Variants in MFN2 observed in about 807,000 individuals in gnomAD.
The protein encoded by MFN2 is mitofusin-2.
Under a neutral mutation model 87.5 loss-of-function variants are expected in MFN2, and 43 were observed. That is an observed-to-expected ratio of 0.49 (90% CI 0.38 to 0.63). The LOEUF is 0.63. MFN2 is among the 30% of genes least tolerant of loss of function. The pLI, the probability that MFN2 is intolerant of heterozygous loss-of-function variation, is 0.00. For missense variants in MFN2, 743 were observed against 972.8 expected (o/e 0.76, Z 3.14); for synonymous variants, 337 against 359.9 (o/e 0.94, Z 0.72).
At chr1:11,982,924 T>C (rs985560534) in intron 2 of MFN2, among the ~76,000 whole-genome samples, 6 of 152,244 alleles carry the variant, frequency 3.9e-5, no homozygotes, top group Non-Finnish European at 8.8e-5. Flanking sequence ...TCATTGATTA[T>C]ATTTGTGAAA....
chr1:11,989,083 C>A (rs182423547), intron 2 of MFN2, 82 bp from the exon 3 acceptor site: 1 of 1,471,908 alleles, frequency 6.8e-7, no homozygotes, highest in African/African-American at 1.4e-5. Context: ...TCTTGATTCT[C>A]CCCAAAGCAT....
chr1:11,996,536 C>T (rs1272850627), intron 5 of MFN2, among the ~76,000 whole-genome samples: 1 of 152,190 alleles, frequency 6.6e-6, no homozygotes, highest in Non-Finnish European at 1.5e-5. Context: ...GAGGACCCTG[C>T]TGTTCCTCAT....
chr1:12,004,043 T>G lies in MFN2; in HGVS notation c.1212T>G (p.Ile404Met). Reference protein sequence around the residue: ...REERQDRLKFIDKQLELLAQD... With the variant: ...REERQDRLKFMDKQLELLAQD... ...AGCGGCAAGACCGACTGAAATTTAT[T>G]GACAAACAGCTGGAGCTCTTGGCTC... The change falls in exon 12 of 19, where the codon ATT (isoleucine) becomes ATG (methionine). Residue 404 changes from isoleucine (I) to methionine (M), a missense_variant. Physicochemically the swap from Ile to Met is conservative, Grantham distance 10 (BLOSUM62 1). Transcript: ENST00000235329. This position sits in a 1 kb window ranked among gnomAD's most constrained non-coding sequence, Gnocchi z 4.2. 1 of 1,614,180 alleles carries G rather than the reference T, an allele frequency of 6.2e-7. No homozygotes were observed. The highest frequency in any genetic ancestry group is 2.2e-5 in the East Asian group (1 of 44,874).
intron 2 of MFN2, among the ~76,000 whole-genome samples, chr1:11,984,400 T>C (rs1167993856): frequency 6.6e-6 from 1 of 152,232 alleles, no homozygotes; most frequent in African/African-American, 2.4e-5. Flanking sequence ...GTAGAGTTTG[T>C]TGTTATTGTT....
rs929596774 is a variant in MFN2, at chr1:12,007,338, T to G, written c.2069+89T>G. The stretch of plus-strand genomic sequence containing the variant: ...TCCCCATCTCTCTTCCCACGTGGCC[T>G]GGAAGCCACTGGGTCCTAAGCATCG... On this transcript the variant is annotated intron_variant, in intron 17 of 18. Transcript: ENST00000235329. The G allele has an allele frequency of 4.8e-6, 7 of 1,462,824 alleles. No individual in the cohort carries two copies. In the African/African-American group the frequency reaches 8.4e-5, roughly 18 times the overall value. 90.6% of individuals were successfully genotyped at this position (1,462,824 alleles called of 1,614,324 possible). A position where few individuals can be genotyped will look rare whatever the true frequency, so the allele number is the denominator to read the frequency against.
At chr1:12,010,926 G>A (rs1639665961) in intron 18 of MFN2, among the ~76,000 whole-genome samples, 2 of 152,170 alleles carry the variant, frequency 1.3e-5, no homozygotes, top group Admixed American at 1.3e-4. Flanking sequence ...TGACGTCAGA[G>A]TCTGCAGGGT....
chr1:11,989,653 T>C (rs1638587944), intron 3 of MFN2, among the ~76,000 whole-genome samples: 1 of 152,168 alleles, frequency 6.6e-6, no homozygotes, highest in Admixed American at 6.5e-5. Context: ...TCCGATACCT[T>C]GTAAGTAATA....
rs1412879780 is a variant in MFN2, at chr1:12,004,103, G to A, written c.1272G>A (p.Glu424=). 6.2e-7 allele frequency: 1 copy of A among 1,614,164 alleles called. No homozygotes were observed. Among genetic ancestry groups the A allele is most frequent in the East Asian group, 2.2e-5 (1 of 44,886 alleles). Residue 424 remains glutamate (E), a synonymous_variant, in exon 12 of 19, where the codon GAG becomes GAA. Coordinates refer to ENST00000235329, the MANE Select transcript of MFN2 (RefSeq NM_014874.4). The surrounding 1 kb of genome is among the most constrained non-coding windows in gnomAD (Gnocchi z 4.2). ...AGCTGCGAATTAAGCAGATTACGGA[G>A]GAAGTGGAGAGGCAGGTGAGAAATG... ...DYKLRIKQIT[E]EVERQVSTAM...
rs555006809 is a variant in MFN2 at position 12,004,025 on chromosome 1, A to G, written c.1194A>G (p.Gln398=). Residue 398 remains glutamine, a synonymous_variant, in exon 12 of 19, where the codon CAA becomes CAG. Transcript: ENST00000235329. This position sits in a 1 kb window ranked among gnomAD's most constrained non-coding sequence, Gnocchi z 4.2. ...GCGAGGAAATGCGTGAAGAGCGGCA[A>G]GACCGACTGAAATTTATTGACAAAC... ...VYCEEMREER[Q]DRLKFIDKQL... is the part of the protein sequence containing the mutation. 2.8e-5 allele frequency: 46 copies of G among 1,614,246 alleles called. No homozygotes were observed. In the South Asian group the frequency reaches 4.6e-4, roughly 16 times the overall value.
chr1:12,004,127 T>C lies in MFN2; in HGVS notation c.1287+9T>C. 6.2e-7 allele frequency: 1 copy of C among 1,613,806 alleles called. No homozygotes were observed. Among genetic ancestry groups the C allele is most frequent in the Non-Finnish European group, 8.5e-7 (1 of 1,180,030 alleles). The stretch of plus-strand genomic sequence containing the variant: ...AGGAAGTGGAGAGGCAGGTGAGAAA[T>C]GAGGAGGAGGCATTCTGGGAAGATT... On this transcript the variant is annotated intron_variant, in intron 12 of 18. Transcript: ENST00000235329. This position sits in a 1 kb window ranked among gnomAD's most constrained non-coding sequence, Gnocchi z 4.2.
In MFN2 at chr1:11,981,957, C is replaced by G. The variant is rs1011811295; in HGVS notation, c.-149-13C>G. On this transcript the variant is annotated splice_polypyrimidine_tract_variant and intron_variant, in intron 1 of 18. Coordinates refer to ENST00000235329, the MANE Select transcript of MFN2 (RefSeq NM_014874.4). ...TGGACACCGGATCCATCTCCCTTTT[C>G]TTTTCTAATAAGTCAGGACTGGTGG... The G allele has an allele frequency of 7.5e-6, 1 of 132,646 alleles. No homozygotes were observed. Among genetic ancestry groups the G allele is most frequent in the African/African-American group, 3.0e-5 (1 of 32,998 alleles). 8.2% of individuals were successfully genotyped at this position (132,646 alleles called of 1,614,324 possible).
At chr1:12,010,802 G>A (rs750902734) in intron 18 of MFN2, among the ~76,000 whole-genome samples, 1 of 152,012 alleles carries the variant, frequency 6.6e-6, no homozygotes, top group Non-Finnish European at 1.5e-5. Context: ...AAAAGTCCTC[G>A]GCCTGCCCAG....
chr1:11,999,172 C>T, intron 8 of MFN2, 77 bp downstream of exon 8: 1 of 1,158,600 alleles, frequency 8.6e-7, no homozygotes, highest in East Asian at 2.3e-5. Context: ...ACTTCCTGCA[C>T]CCCTGGATCT....
At chr1:11,993,474 A>T (rs1009107633) in intron 4 of MFN2, among the ~76,000 whole-genome samples, 2 of 152,134 alleles carry the variant, frequency 1.3e-5, no homozygotes, top group Non-Finnish European at 2.9e-5. Context: ...GGTGGCTCAC[A>T]CCTGTAATCC....
intron 4 of MFN2, among the ~76,000 whole-genome samples, chr1:11,995,655 A>G (rs2100821026): frequency 2.0e-5 from 3 of 151,902 alleles, no homozygotes; most frequent in Middle Eastern, 3.4e-3. Context: ...AAAAAAAAAG[A>G]ATGAGAAAGT....
At chr1:11,988,573 G>C (rs777207377) in intron 2 of MFN2, among the ~76,000 whole-genome samples, 4 of 152,006 alleles carry the variant, frequency 2.6e-5, no homozygotes, top group Admixed American at 6.6e-5. Context: ...GTCTTGCTCT[G>C]TCTCCCAGGC....
Position 11,991,903 on chromosome 1 carries a change from G to A in MFN2, c.176-652G>A, listed in dbSNP as rs1400559016. 4.9e-5 allele frequency among the ~76,000 whole-genome samples: 5 copies of A among 101,990 alleles called. 1 individual carries two copies. The highest frequency in any genetic ancestry group is 2.0e-4 in the African/African-American group (5 of 25,548). 66.9% of individuals were successfully genotyped at this position (101,990 alleles called of 152,430 possible). On this transcript the variant is annotated intron_variant, in intron 3 of 18. Coordinates refer to ENST00000235329, the MANE Select transcript of MFN2 (RefSeq NM_014874.4). ...CCCGCCACTGCACTCCAGCCTGGGC[G>A]ACAGAGCGAGACTCCGTCTCAAAAA...
chr1:11,980,909 A>C (rs1441202041), intron 1 of MFN2, among the ~76,000 whole-genome samples: 1 of 152,060 alleles, frequency 6.6e-6, no homozygotes, highest in Non-Finnish European at 1.5e-5. Flanking sequence ...TTCTCACCGG[A>C]CTGTAAGGCC....
Position 11,994,544 on chromosome 1 carries a change from C to T in MFN2, c.312-1612C>T, listed in dbSNP as rs753031292. 4.6e-5 allele frequency among the ~76,000 whole-genome samples: 7 copies of T among 151,740 alleles called. No homozygotes were observed. In the East Asian group the frequency reaches 5.9e-4, roughly 13 times the overall value. On this transcript the variant is annotated intron_variant, in intron 4 of 18. Coordinates refer to ENST00000235329, the MANE Select transcript of MFN2 (RefSeq NM_014874.4). ...GGTGGAGGTTGCAGTGAGTCAAGAT[C>T]GCGCCACTGCACTCCAGCCTAGGTG...
Sources: allele counts gnomAD v4.1 joint callset (sites outside exome capture counted in the v4.1 genomes callset), GRCh38; gene constraint gnomAD v4.1.1; non-coding constraint Gnocchi (gnomAD v3.1); transcripts MANE v1.5; gene names NCBI Gene and HGNC (gene_info 2026-07-23, HGNC 2026-07-21).